Variants in EPB41L4B observed in about 807,000 individuals in gnomAD.
EPB41L4B encodes the protein erythrocyte membrane protein band 4.1 like 4B, also known as band 4.1-like protein 4B.
Under a neutral mutation model 112.5 loss-of-function variants are expected in EPB41L4B, and 30 were observed. The ratio of observed to expected loss-of-function variants is 0.27; its 90% confidence interval spans 0.20 to 0.36. The LOEUF (loss-of-function observed/expected upper bound fraction) is 0.36, where lower values mean the gene tolerates loss of function less well. Among genes scored for constraint, EPB41L4B ranks in the 10% least tolerant of loss-of-function variants. The probability of loss-of-function intolerance (pLI) is 1.00; values close to 1 mark genes in which losing one functional copy is unlikely to be tolerated. For synonymous variants in EPB41L4B, 408 were observed against 439.7 expected (o/e 0.93, Z 0.90); for missense variants, 1,024 against 1,133.3 (o/e 0.90, Z 1.38).
chr9:109,308,524 A>G lies in EPB41L4B; in HGVS notation c.306+11617T>C, dbSNP rs979108862. Among the ~76,000 whole-genome samples the G allele has an allele frequency of 5.3e-5, 8 of 152,298 alleles. No homozygotes were observed. In the East Asian group the frequency reaches 1.5e-3, roughly 29 times the overall value. On this transcript the variant is annotated intron_variant, in intron 1 of 25. Coordinates refer to ENST00000374566, the MANE Select transcript of EPB41L4B (RefSeq NM_019114.5). Reference sequence around the variant, plus strand: ...AATATCTATCAAATGCAATGAAAGAACCTTGCTGAAAACCACAGAAGAAAA... The same window carrying G: ...AATATCTATCAAATGCAATGAAAGAGCCTTGCTGAAAACCACAGAAGAAAA...
intron 17 of EPB41L4B, among the ~76,000 whole-genome samples, chr9:109,212,325 C>A (rs1344030870): frequency 6.6e-6 from 1 of 152,146 alleles, no homozygotes; most frequent in African/African-American, 2.4e-5. Context: ...AAAAAGAAGA[C>A]CAATCAGGGG....
intron 18 of EPB41L4B, among the ~76,000 whole-genome samples, chr9:109,207,531 C>T (rs985962295): frequency 2.6e-5 from 4 of 151,974 alleles, no homozygotes; most frequent in Non-Finnish European, 1.5e-5. Flanking sequence ...ATGATCCCAC[C>T]ACTGCAGCCC....
intron 1 of EPB41L4B, among the ~76,000 whole-genome samples, chr9:109,310,126 C>T (rs1837362235): frequency 6.6e-6 from 1 of 152,122 alleles, no homozygotes; most frequent in African/African-American, 2.4e-5. Flanking sequence ...AATGTCCACA[C>T]AGGATCAATT....
chr9:109,231,222 T>G (rs566590359), intron 15 of EPB41L4B, among the ~76,000 whole-genome samples: 19 of 151,552 alleles, frequency 1.3e-4, no homozygotes, highest in African/African-American at 4.1e-4. Flanking sequence ...TTATAGAGAC[T>G]AATTGGCCCA....
At chr9:109,229,668 G>T (rs1381490350) in intron 15 of EPB41L4B, among the ~76,000 whole-genome samples, 3 of 152,308 alleles carry the variant, frequency 2.0e-5, no homozygotes, top group Non-Finnish European at 4.4e-5. Flanking sequence ...CCTCAATGGG[G>T]ACAATTCCAT....
chr9:109,277,786 C>G (rs988548491), intron 2 of EPB41L4B, among the ~76,000 whole-genome samples: 1 of 152,050 alleles, frequency 6.6e-6, no homozygotes, highest in Non-Finnish European at 1.5e-5. Flanking sequence ...TGGGAGGGGA[C>G]AAAGGGCAGA....
rs1564254883 is a variant in EPB41L4B at position 109,192,267 on chromosome 9, AG to A, written c.2301+10del. On this transcript the variant is annotated intron_variant, in intron 22 of 25. Coordinates refer to ENST00000374566, the MANE Select transcript of EPB41L4B (RefSeq NM_019114.5). ...GTGACTTTTCTGGTTTTAGCAAAAT[AG>A]GAAGTTTACCAGAGGAGTGGCTTCT... 3 of 1,600,842 alleles carry A rather than the reference AG, an allele frequency of 1.9e-6. No homozygotes were observed. The South Asian group carries it at 3.4e-5, about 18-fold the overall frequency.
chr9:109,302,787 T>C (rs986202633), intron 1 of EPB41L4B, among the ~76,000 whole-genome samples: 2 of 152,202 alleles, frequency 1.3e-5, no homozygotes, highest in Non-Finnish European at 2.9e-5. Flanking sequence ...GATCCTTCTG[T>C]ACCAGGGTGC....
chr9:109,265,277 G>A (rs368314797), intron 4 of EPB41L4B, among the ~76,000 whole-genome samples: 40 of 152,330 alleles, frequency 2.6e-4, no homozygotes, highest in African/African-American at 8.4e-4. Flanking sequence ...CGTGATACAC[G>A]TCATGGTCCA....
chr9:109,185,438 T>C, intron 23 of EPB41L4B, 51 bp downstream of exon 23: 1 of 1,541,914 alleles, frequency 6.5e-7, no homozygotes, highest in Non-Finnish European at 9.0e-7. Context: ...TGGTGGCTCC[T>C]GCCCACCTCA....
chr9:109,254,591 G>A (rs1204764208), intron 11 of EPB41L4B, among the ~76,000 whole-genome samples: 2 of 152,040 alleles, frequency 1.3e-5, no homozygotes, highest in African/African-American at 4.8e-5. Flanking sequence ...ATGTAAATAG[G>A]CCTCAAAAAC....
intron 15 of EPB41L4B, among the ~76,000 whole-genome samples, chr9:109,226,765 T>TGA (rs1433494217): frequency 1.2e-4 from 17 of 143,400 alleles, no homozygotes; most frequent in South Asian, 2.1e-4. Flanking sequence ...AATATATATA[T>TGA]ATGAATATAT....
chr9:109,226,961 C>T (rs1833804318), intron 15 of EPB41L4B, among the ~76,000 whole-genome samples: 1 of 151,712 alleles, frequency 6.6e-6, no homozygotes. Context: ...CTCTCAGCCT[C>T]CCGAGTACCT....
At chr9:109,230,133 CA>C (rs1451444839) in intron 15 of EPB41L4B, among the ~76,000 whole-genome samples, 1 of 152,180 alleles carries the variant, frequency 6.6e-6, no homozygotes, top group Non-Finnish European at 1.5e-5. Flanking sequence ...ACTTCACCAT[CA>C]GTTAACTTAA....
Position 109,255,165 on chromosome 9 carries a change from G to A in EPB41L4B, c.1169+346C>T, listed in dbSNP as rs370539427. Among the ~76,000 whole-genome samples the A allele has an allele frequency of 1.6e-4, 25 of 152,300 alleles. No homozygotes were observed. In the South Asian group the frequency reaches 3.7e-3, roughly 23 times the overall value. On this transcript the variant is annotated intron_variant, in intron 11 of 25. Coordinates refer to ENST00000374566, the MANE Select transcript of EPB41L4B (RefSeq NM_019114.5). ...AATATGGTAGCCACTAGCCACATGT[G>A]GCTTCTTGGCCGCTTGAAATATGAC...
At chr9:109,255,748 G>T (rs769418869) in intron 10 of EPB41L4B, 26 bp downstream of exon 10, 23 of 1,612,568 alleles carry the variant, frequency 1.4e-5, no homozygotes, top group Non-Finnish European at 1.7e-5. Flanking sequence ...TCACAGCAAG[G>T]GGGAAGAAAT....
chr9:109,187,537 T>C (rs1832312830), intron 22 of EPB41L4B, among the ~76,000 whole-genome samples: 1 of 152,114 alleles, frequency 6.6e-6, no homozygotes, highest in Admixed American at 6.6e-5. Flanking sequence ...CCTGCTGCTC[T>C]CTATGGACCT....
At position 109,255,819 on chromosome 9, in the gene EPB41L4B, A is replaced by T; in HGVS notation, c.954T>A (p.Phe318Leu). 1 of 1,613,864 alleles carries T rather than the reference A, an allele frequency of 6.2e-7. No homozygotes were observed. The highest frequency in any genetic ancestry group is 8.5e-7 in the Non-Finnish European group (1 of 1,179,952). Residue 318 changes from phenylalanine to leucine, a missense_variant, in exon 10 of 26, where the codon TTT becomes TTA. Physicochemically the swap from Phe to Leu is conservative, Grantham distance 22. Coordinates refer to ENST00000374566, the MANE Select transcript of EPB41L4B (RefSeq NM_019114.5). Reference protein sequence around the residue: ...FFWPKITKMDFKKSKLTLVVV... With the variant: ...FFWPKITKMDLKKSKLTLVVV... ...CCACGAGTGTCAATTTGCTCTTTTT[A>T]AAATCCATTTTGGTAATTTTAGGCC...
At chr9:109,268,203 C>T (rs997034053) in intron 3 of EPB41L4B, among the ~76,000 whole-genome samples, 188 bp downstream of exon 3, 12 of 152,170 alleles carry the variant, frequency 7.9e-5, no homozygotes, top group African/African-American at 2.7e-4. Context: ...ATCCACTAAA[C>T]ATTTTTATTC....
Sources: allele counts gnomAD v4.1 joint callset (sites outside exome capture counted in the v4.1 genomes callset), GRCh38; gene constraint gnomAD v4.1.1; transcripts MANE v1.5; gene names NCBI Gene and HGNC (gene_info 2026-07-23, HGNC 2026-07-21).